MCTP1: variants seen among roughly 807,000 people sequenced by gnomAD.
The protein encoded by MCTP1 is multiple C2 and transmembrane domain-containing protein 1.
MCTP1 carries 69 observed loss-of-function variants against 120.6 expected under a neutral mutation model. The observed-to-expected ratio is 0.57, with a 90% CI of 0.47 to 0.70. The LOEUF is 0.70. Among genes scored for constraint, MCTP1 ranks in the 30% least tolerant of loss-of-function variants. The pLI, the probability that MCTP1 is intolerant of heterozygous loss-of-function variation, is 0.00. For synonymous variants in MCTP1, 529 were observed against 493.1 expected, an observed-to-expected ratio of 1.07 and a Z score of -0.96; for missense variants, 1,203 against 1,248.8, an observed-to-expected ratio of 0.96 and a Z score of 0.55.
chr5:95,134,179 A>AT (rs1160996568), intron 1 of MCTP1, among the ~76,000 whole-genome samples: 1 of 152,086 alleles, frequency 6.6e-6, no homozygotes, highest in Non-Finnish European at 1.5e-5. Context: ...TCGGATCATT[A>AT]TTTTTCCAAT....
intron 17 of MCTP1, among the ~76,000 whole-genome samples, chr5:94,863,304 A>G (rs1483556345): frequency 6.6e-6 from 1 of 151,838 alleles, no homozygotes; most frequent in African/African-American, 2.4e-5. Flanking sequence ...AGTTACATCT[A>G]GAACATTTCT....
intron 1 of MCTP1, among the ~76,000 whole-genome samples, chr5:95,151,784 G>A (rs1760917051): frequency 6.6e-6 from 1 of 152,152 alleles, no homozygotes; most frequent in Non-Finnish European, 1.5e-5. Flanking sequence ...CAGGCCAGCA[G>A]TGGTCTCTTA....
intron 1 of MCTP1, among the ~76,000 whole-genome samples, chr5:95,185,597 A>G (rs1749118042): frequency 6.6e-6 from 1 of 152,252 alleles, no homozygotes; most frequent in Non-Finnish European, 1.5e-5. Flanking sequence ...AGCCTGACCA[A>G]CATGGTGAAA....
chr5:95,164,906 C>G (rs567853639), intron 1 of MCTP1, among the ~76,000 whole-genome samples: 2 of 152,152 alleles, frequency 1.3e-5, no homozygotes, highest in South Asian at 4.2e-4. Context: ...ATTCAAGAAC[C>G]CAAACTCCTC....
intron 1 of MCTP1, among the ~76,000 whole-genome samples, chr5:95,129,963 A>G (rs1304565278): frequency 6.6e-6 from 1 of 152,206 alleles, no homozygotes; most frequent in Non-Finnish European, 1.5e-5. Flanking sequence ...GCCCAGCCAG[A>G]GGATGGGCAA....
chr5:94,787,747 G>A (rs986792054), intron 18 of MCTP1, among the ~76,000 whole-genome samples: 1 of 152,000 alleles, frequency 6.6e-6, no homozygotes, highest in Non-Finnish European at 1.5e-5. Flanking sequence ...CTTCCGAGTA[G>A]CTGGGACTGC....
At chr5:95,187,918 T>A (rs1373540025) in intron 1 of MCTP1, among the ~76,000 whole-genome samples, 2 of 152,244 alleles carry the variant, frequency 1.3e-5, no homozygotes, top group Non-Finnish European at 2.9e-5. Flanking sequence ...AGGGGATAGA[T>A]ATCCCATTCT....
intron 17 of MCTP1, among the ~76,000 whole-genome samples, chr5:94,831,144 T>C (rs1485313939): frequency 6.6e-6 from 1 of 152,170 alleles, no homozygotes; most frequent in Non-Finnish European, 1.5e-5. Flanking sequence ...ACACCAATAT[T>C]AGTAAAACAT....
intron 1 of MCTP1, among the ~76,000 whole-genome samples, chr5:95,082,585 A>G (rs1006834684): frequency 5.9e-5 from 9 of 152,216 alleles, no homozygotes; most frequent in Non-Finnish European, 8.8e-5. Context: ...AATTTAAAAT[A>G]TTTTAGTAGT....
chr5:95,132,230 T>C (rs1407009849), intron 1 of MCTP1, among the ~76,000 whole-genome samples: 1 of 152,342 alleles, frequency 6.6e-6, no homozygotes, highest in East Asian at 1.9e-4. Context: ...CATCTCTTGC[T>C]TCTCAAGAGG....
intron 1 of MCTP1, among the ~76,000 whole-genome samples, chr5:95,233,333 T>TTG (rs1755173893): frequency 6.6e-6 from 1 of 151,932 alleles, no homozygotes; most frequent in South Asian, 2.1e-4. Context: ...TACTTCTTTT[T>TTG]TTTTTTTTTT....
chr5:95,030,672 A>T (rs1190121229), intron 1 of MCTP1, among the ~76,000 whole-genome samples: 1 of 152,248 alleles, frequency 6.6e-6, no homozygotes, highest in Non-Finnish European at 1.5e-5. Context: ...ATATTTTTAA[A>T]AAAGTCTCAT....
At chr5:95,058,126 T>G (rs1323564721) in intron 1 of MCTP1, among the ~76,000 whole-genome samples, 2 of 152,174 alleles carry the variant, frequency 1.3e-5, no homozygotes, top group East Asian at 3.8e-4. Context: ...TCTAATGGGA[T>G]AAAATAGCTG....
intron 9 of MCTP1, among the ~76,000 whole-genome samples, chr5:94,910,541 A>G (rs1190102816): frequency 1.3e-5 from 2 of 152,190 alleles, no homozygotes; most frequent in Non-Finnish European, 2.9e-5. Context: ...AGTATGTTAT[A>G]TGCAAAGGTA....
At chr5:95,245,812 T>C (rs1304036792) in intron 1 of MCTP1, among the ~76,000 whole-genome samples, 3 of 152,170 alleles carry the variant, frequency 2.0e-5, no homozygotes, top group Middle Eastern at 3.4e-3. Context: ...AACATTCAAA[T>C]TCAGGAAATA....
chr5:94,758,590 T>A (rs1395062818), intron 19 of MCTP1, among the ~76,000 whole-genome samples: 1 of 152,240 alleles, frequency 6.6e-6, no homozygotes, highest in Non-Finnish European at 1.5e-5. Flanking sequence ...CTTTTCACCA[T>A]ATTATTCTTT....
chr5:95,170,365 T>G (rs1357145118), intron 1 of MCTP1, among the ~76,000 whole-genome samples: 1 of 152,226 alleles, frequency 6.6e-6, no homozygotes, highest in Non-Finnish European at 1.5e-5. Context: ...TGCAATGTGG[T>G]GCTTAGTAGA....
chr5:94,770,530 G>A (rs114151147), intron 19 of MCTP1, among the ~76,000 whole-genome samples: 5,643 of 152,270 alleles, frequency 0.037, 123 homozygotes, highest in Middle Eastern at 0.058. Flanking sequence ...TTCTTACCAA[G>A]TTAGCTATGT....
chr5:95,148,180 G>A (rs1481116246), intron 1 of MCTP1, among the ~76,000 whole-genome samples: 1 of 152,180 alleles, frequency 6.6e-6, no homozygotes, highest in Non-Finnish European at 1.5e-5. Flanking sequence ...TGTGCTTGGG[G>A]ATGATTGTCT....
Sources: gnomAD v4.1 joint callset for allele counts (sites outside exome capture counted in the v4.1 genomes callset) on GRCh38, gnomAD v4.1.1 for gene constraint, MANE v1.5 for transcripts, NCBI Gene and HGNC (gene_info 2026-07-23, HGNC 2026-07-21) for gene names.